Variants in IQCB1 observed in about 807,000 individuals in gnomAD.
IQCB1 encodes the protein IQ motif containing B1.
In IQCB1, 56 loss-of-function variants were observed where a neutral mutation model predicts 84.4. The ratio of observed to expected loss-of-function variants is 0.66; its 90% CI spans 0.54 to 0.83. The LOEUF (loss-of-function observed/expected upper bound fraction) is 0.83. Among genes scored for constraint, IQCB1 ranks in the 40% least tolerant of loss-of-function variants. The probability of loss-of-function intolerance (pLI) is 0.00; values close to 1 mark genes in which losing one functional copy is unlikely to be tolerated. For missense variants in IQCB1, 629 were observed against 682.1 expected (o/e 0.92, Z 0.87); for synonymous variants, 210 against 234.8 (o/e 0.89, Z 0.96).
chr3:121,787,546 A>C (rs1948784256), intron 12 of IQCB1, among the ~76,000 whole-genome samples: 1 of 152,116 alleles, frequency 6.6e-6, no homozygotes, highest in Non-Finnish European at 1.5e-5. Flanking sequence ...AGGTCTAGAG[A>C]TCGAGACCAT....
At chr3:121,773,491 C>A (rs144083987) in intron 13 of IQCB1, among the ~76,000 whole-genome samples, 29 of 152,178 alleles carry the variant, frequency 1.9e-4, no homozygotes, top group African/African-American at 6.5e-4. Flanking sequence ...GGACCATGTT[C>A]TTTTGGCTAG....
intron 5 of IQCB1, among the ~76,000 whole-genome samples, chr3:121,819,831 G>T (rs997143908): frequency 6.6e-6 from 1 of 152,000 alleles, no homozygotes; most frequent in Non-Finnish European, 1.5e-5. Flanking sequence ...AGAGTAAAAA[G>T]AAATAGGTAA....
chr3:121,829,710 C>CA (rs1950567710), intron 2 of IQCB1, among the ~76,000 whole-genome samples: 1 of 152,170 alleles, frequency 6.6e-6, no homozygotes, highest in Non-Finnish European at 1.5e-5. Context: ...GGAGAGAACT[C>CA]AGAAGTTTGT....
chr3:121,826,257 T>C (rs555393018), intron 4 of IQCB1, 77 bp from the exon 5 acceptor site: 297 of 1,414,944 alleles, frequency 2.1e-4, no homozygotes, highest in South Asian at 1.4e-3. Flanking sequence ...CTGTGCCTTA[T>C]TGAGAATTTT....
intron 13 of IQCB1, among the ~76,000 whole-genome samples, chr3:121,780,884 G>C (rs1247760713): frequency 6.2e-5 from 4 of 64,908 alleles, no homozygotes; most frequent in Non-Finnish European, 7.7e-5. Flanking sequence ...GTGTGTGTGT[G>C]AGAGAGAGAG....
intron 12 of IQCB1, among the ~76,000 whole-genome samples, chr3:121,783,220 C>T (rs1314613399): frequency 6.6e-6 from 1 of 152,176 alleles, no homozygotes; most frequent in Non-Finnish European, 1.5e-5. Context: ...GAGTTACCCA[C>T]TTACCCTGTC....
intron 5 of IQCB1, among the ~76,000 whole-genome samples, chr3:121,820,403 T>C (rs960920771): frequency 1.3e-5 from 2 of 152,066 alleles, no homozygotes; most frequent in African/African-American, 2.4e-5. Context: ...ATTGCATCTA[T>C]GTCAGACATC....
At chr3:121,796,137 T>C (rs896478000) in intron 9 of IQCB1, among the ~76,000 whole-genome samples, 1 of 152,146 alleles carries the variant, frequency 6.6e-6, no homozygotes, top group Non-Finnish European at 1.5e-5. Context: ...AGTTTTATGA[T>C]TTTGTTACCT....
At chr3:121,794,030 C>G (rs999904261) in intron 10 of IQCB1, among the ~76,000 whole-genome samples, 1 of 151,934 alleles carries the variant, frequency 6.6e-6, no homozygotes, top group Non-Finnish European at 1.5e-5. Flanking sequence ...CTGAATTCAC[C>G]ACAGAGGCAA....
chr3:121,811,830 G>A (rs1373361999), intron 5 of IQCB1, among the ~76,000 whole-genome samples: 1 of 152,248 alleles, frequency 6.6e-6, no homozygotes, highest in African/African-American at 2.4e-5. Context: ...GGACAGGGGA[G>A]ACTGTGGGTG....
At chr3:121,809,123 G>T (rs1200180280) in intron 5 of IQCB1, 114 bp from the exon 6 acceptor site, 2 of 659,912 alleles carry the variant, frequency 3.0e-6, no homozygotes, top group Non-Finnish European at 5.3e-6. Context: ...ATCTAACTTA[G>T]CTATTTATGA....
chr3:121,776,835 C>G (rs9812228), intron 13 of IQCB1, among the ~76,000 whole-genome samples: 37,466 of 152,094 alleles, frequency 0.25, 4,954 homozygotes, highest in Non-Finnish European at 0.28. Context: ...AACAAAACAA[C>G]TAGTTCATAT....
chr3:121,794,715 C>T (rs1349469659), intron 10 of IQCB1, among the ~76,000 whole-genome samples: 4 of 151,908 alleles, frequency 2.6e-5, no homozygotes, highest in African/African-American at 7.3e-5. Context: ...TATTTTGAAC[C>T]CCAGAGCTAT....
chr3:121,775,467 C>T (rs2108512054), intron 13 of IQCB1, among the ~76,000 whole-genome samples: 1 of 152,102 alleles, frequency 6.6e-6, no homozygotes. Flanking sequence ...CACACTGGGG[C>T]CTATCGTGGG....
intron 13 of IQCB1, 21 bp downstream of exon 13, chr3:121,781,722 T>C (rs1948503192): frequency 6.2e-7 from 1 of 1,607,582 alleles, no homozygotes; most frequent in South Asian, 1.1e-5. Context: ...GTAATACTGA[T>C]ATGGTACAGA....
chr3:121,789,744 A>G (rs1170277824), intron 11 of IQCB1, among the ~76,000 whole-genome samples: 1 of 152,226 alleles, frequency 6.6e-6, no homozygotes, highest in Admixed American at 6.5e-5. Context: ...GCAGAATGTA[A>G]TAATATTCCA....
intron 13 of IQCB1, 95 bp downstream of exon 13, chr3:121,781,648 C>CACAT (rs2108524994): frequency 1.0e-6 from 1 of 961,006 alleles, no homozygotes; most frequent in Non-Finnish European, 1.5e-6. Flanking sequence ...CACACACACA[C>CACAT]ACACACACAC....
chr3:121,795,401 C>A, intron 10 of IQCB1, 56 bp downstream of exon 10: 1 of 911,782 alleles, frequency 1.1e-6, no homozygotes, highest in Non-Finnish European at 1.8e-6. Flanking sequence ...AATTTCAATT[C>A]AACTGTACTC....
chr3:121,816,723 A>T (rs1950076186), intron 5 of IQCB1, among the ~76,000 whole-genome samples: 1 of 152,186 alleles, frequency 6.6e-6, no homozygotes, highest in Non-Finnish European at 1.5e-5. Flanking sequence ...ATACCCTCTC[A>T]CTCCAGTTAG....
Sources: gnomAD v4.1 joint callset for allele counts (sites outside exome capture counted in the v4.1 genomes callset) on GRCh38, gnomAD v4.1.1 for gene constraint, MANE v1.5 for transcripts, NCBI Gene and HGNC (gene_info 2026-07-23, HGNC 2026-07-21) for gene names.